The following RCBTB2 variants were observed in gnomAD, a reference collection of about 807,000 sequenced individuals.
RCBTB2 encodes the protein RCC1 and BTB domain containing protein 2.
In RCBTB2, 55 loss-of-function variants were observed where a neutral mutation model predicts 65.4. That is an observed-to-expected ratio of 0.84 (90% CI 0.68 to 1.05). The LOEUF (loss-of-function observed/expected upper bound fraction) is 1.05, where lower values mean the gene tolerates loss of function less well. Ranked by LOEUF, RCBTB2 falls within the 50% of genes least tolerant of loss-of-function variation. The probability of loss-of-function intolerance (pLI) is 0.00; values close to 1 mark genes in which losing one functional copy is unlikely to be tolerated. For missense variants in RCBTB2, 599 were observed against 680.1 expected, an observed-to-expected ratio of 0.88 and a Z score of 1.33; for synonymous variants, 220 against 255.2, an observed-to-expected ratio of 0.86 and a Z score of 1.31.
At chr13:48,532,317 T>G (rs1354981396) in intron 1 of RCBTB2, 1 of 152,272 alleles carries the variant, frequency 6.6e-6, no homozygotes, top group Non-Finnish European at 1.5e-5. Flanking sequence ...CCCTCCGCAG[T>G]TCCAAAACGG....
rs1361759456 is a variant in RCBTB2 at position 48,502,869 on chromosome 13, G to A, written c.972C>T (p.Ala324=). 2 of 1,614,108 alleles carry A rather than the reference G, an allele frequency of 1.2e-6. No homozygotes were observed. The highest frequency in any genetic ancestry group is 1.1e-5 in the South Asian group (1 of 91,074). ...AACHSTHTSA[A]KTQGGHVYMW... ...TGTACACGTGCCCACCCTGCGTCTTGGCCGCAGACGTGTGTGTGGAGTGAC... is the reference window on the plus strand; with the variant it reads ...TGTACACGTGCCCACCCTGCGTCTTAGCCGCAGACGTGTGTGTGGAGTGAC... The change falls in exon 11 of 15, where the codon GCC becomes GCT. Residue 324 remains alanine (A), a synonymous_variant. Transcript: ENST00000344532.
intron 1 of RCBTB2, among the ~76,000 whole-genome samples, chr13:48,527,666 A>G (rs1951882578): frequency 6.6e-6 from 1 of 152,158 alleles, no homozygotes; most frequent in African/African-American, 2.4e-5. Flanking sequence ...CAAGTAAGGT[A>G]ATCTGTCACA....
At chr13:48,502,001 A>AT (rs1566272559) in intron 11 of RCBTB2, 133 bp from the exon 12 acceptor site, 5 of 610,350 alleles carry the variant, frequency 8.2e-6, no homozygotes, top group Middle Eastern at 3.5e-4. Flanking sequence ...TGAGCAATGG[A>AT]TTTTTTCCCC....
At chr13:48,510,589 C>T (rs1369503294) in intron 10 of RCBTB2, 40 bp downstream of exon 10, 5 of 1,603,664 alleles carry the variant, frequency 3.1e-6, no homozygotes, top group African/African-American at 1.3e-5. Flanking sequence ...ATCACAATCA[C>T]CAAAGACCAG....
intron 13 of RCBTB2, 119 bp downstream of exon 13, chr13:48,499,498 AACAC>A: frequency 1.0e-6 from 1 of 1,001,952 alleles, no homozygotes; most frequent in Non-Finnish European, 1.5e-6. Context: ...GTTTGGATTC[AACAC>A]ACACAAAAAG....
intron 13 of RCBTB2, among the ~76,000 whole-genome samples, chr13:48,498,130 G>A (rs1950060037): frequency 6.6e-6 from 1 of 152,202 alleles, no homozygotes; most frequent in Non-Finnish European, 1.5e-5. Context: ...TGGGTTGGGG[G>A]TGGATAGAGC....
intron 8 of RCBTB2, 55 bp from the exon 9 acceptor site, chr13:48,511,932 T>A (rs1950821227): frequency 6.2e-7 from 1 of 1,610,680 alleles, no homozygotes; most frequent in African/African-American, 1.3e-5. Flanking sequence ...CAGCAAGCTG[T>A]CTGTTATGTG....
intron 1 of RCBTB2, among the ~76,000 whole-genome samples, chr13:48,527,396 T>TATGATATATA (rs71076027): frequency 7.3e-6 from 1 of 137,862 alleles, no homozygotes; most frequent in African/African-American, 3.1e-5. Flanking sequence ...TATATTTATA[T>TATGATATATA]TAAAAGGTGC....
At chr13:48,499,170 A>ACT (rs1407980151) in intron 13 of RCBTB2, among the ~76,000 whole-genome samples, 5 of 125,548 alleles carry the variant, frequency 4.0e-5, no homozygotes, top group African/African-American at 1.8e-4. Flanking sequence ...TCTCTCTCTC[A>ACT]CACACACACA....
At chr13:48,509,324 CA>C (rs1224661160) in intron 10 of RCBTB2, among the ~76,000 whole-genome samples, 3 of 151,986 alleles carry the variant, frequency 2.0e-5, no homozygotes, top group African/African-American at 7.3e-5. Flanking sequence ...GACTGTGTCT[CA>C]AAAAATAAAA....
intron 12 of RCBTB2, among the ~76,000 whole-genome samples, chr13:48,501,321 G>A (rs530134656): frequency 7.9e-5 from 12 of 152,224 alleles, no homozygotes; most frequent in African/African-American, 2.2e-4. Context: ...GGTCTGGAAA[G>A]GCCTTGATCT....
At chr13:48,532,339 A>G (rs2138681530) in intron 1 of RCBTB2, 1 of 152,514 alleles carries the variant, frequency 6.6e-6, no homozygotes, top group African/African-American at 2.4e-5. Context: ...TTCGCCTAAC[A>G]AAGTCAAACT....
chr13:48,513,451 G>C (rs1950916957), intron 6 of RCBTB2, among the ~76,000 whole-genome samples: 1 of 152,002 alleles, frequency 6.6e-6, no homozygotes, highest in South Asian at 2.1e-4. Flanking sequence ...CAAATGTTTA[G>C]TTTTTCCTGT....
At chr13:48,492,984 A>T (rs530097385) in intron 14 of RCBTB2, among the ~76,000 whole-genome samples, 2 of 152,104 alleles carry the variant, frequency 1.3e-5, no homozygotes, top group East Asian at 3.9e-4. Context: ...TTTCCCCCAA[A>T]ATGTTGCTCC....
intron 4 of RCBTB2, among the ~76,000 whole-genome samples, chr13:48,519,147 T>C (rs561267046): frequency 6.6e-6 from 1 of 152,294 alleles, no homozygotes; most frequent in South Asian, 2.1e-4. Context: ...CAGAGTTCTT[T>C]CCACATATCA....
In RCBTB2 at chr13:48,489,858, G is replaced by C. The variant is rs1464809018; in HGVS notation, c.*253C>G. 1.2e-5 allele frequency: 6 copies of C among 483,134 alleles called. No homozygotes were observed. The East Asian group carries it at 2.4e-4, about 19-fold the overall frequency. The allele number at this position is 483,134 out of a possible 1,614,324, so 29.9% of individuals were successfully genotyped here. ...GTGTCCAATTTAAGTGACTCAAAAA[G>C]AGGAAATGGTAAATAAGATATTTCA... On this transcript the variant is annotated 3_prime_UTR_variant, in exon 15 of 15. Transcript: ENST00000344532.
At chr13:48,508,114 C>A (rs1054721108) in intron 10 of RCBTB2, among the ~76,000 whole-genome samples, 1 of 152,190 alleles carries the variant, frequency 6.6e-6, no homozygotes, top group Non-Finnish European at 1.5e-5. Context: ...ACCCACCCCA[C>A]CCCACATTCA....
chr13:48,518,458 CAA>C (rs58455074), intron 4 of RCBTB2, among the ~76,000 whole-genome samples: 7,440 of 98,176 alleles, frequency 0.076, 226 homozygotes, highest in Non-Finnish European at 0.11. Flanking sequence ...GAGTACTTTG[CAA>C]AAAAAAAAAA....
rs1950136823 is a variant in RCBTB2 at position 48,499,520 on chromosome 13, T to G, written c.1384+101A>C. 3 of 1,210,592 alleles carry G rather than the reference T, an allele frequency of 2.5e-6. No homozygotes were observed. In the South Asian group the frequency reaches 4.3e-5, roughly 17 times the overall value. 75.0% of individuals were successfully genotyped at this position (1,210,592 alleles called of 1,614,324 possible). A position where few individuals can be genotyped will look rare whatever the true frequency, so the allele number is the denominator to read the frequency against. On this transcript the variant is annotated intron_variant, in intron 13 of 14. Coordinates refer to ENST00000344532, the MANE Select transcript of RCBTB2 (RefSeq NM_001268.4). ...TTCAACACACACAAAAAGAAATACTTCTGTAATTACCCTCACAGTGACTTT... is the reference window on the plus strand; with the variant it reads ...TTCAACACACACAAAAAGAAATACTGCTGTAATTACCCTCACAGTGACTTT...
Sources: gnomAD v4.1 joint callset for allele counts (sites outside exome capture counted in the v4.1 genomes callset) on GRCh38, gnomAD v4.1.1 for gene constraint, MANE v1.5 for transcripts, NCBI Gene and HGNC (gene_info 2026-07-23, HGNC 2026-07-21) for gene names.